The following PPM1G variants were observed in gnomAD, a reference collection of about 807,000 sequenced individuals.
PPM1G encodes protein phosphatase 1G.
A neutral mutation model predicts 59.4 loss-of-function variants in PPM1G; 12 were observed. The observed-to-expected ratio is 0.20, with a 90% CI of 0.13 to 0.33. The LOEUF is 0.33. Ranked by LOEUF, PPM1G falls within the 10% of genes least tolerant of loss-of-function variation. The pLI is 1.00. For missense variants in PPM1G, 392 were observed against 681.3 expected, an observed-to-expected ratio of 0.58 and a Z score of 4.73; for synonymous variants, 245 against 251.9, an observed-to-expected ratio of 0.97 and a Z score of 0.26.
At chr2:27,403,561 G>A (rs976080579) in intron 1 of PPM1G, among the ~76,000 whole-genome samples, 6 of 152,040 alleles carry the variant, frequency 3.9e-5, no homozygotes, top group Admixed American at 6.6e-5. Flanking sequence ...CAAATAATGC[G>A]TTTTTATAAA....
Position 27,385,115 on chromosome 2 carries a change from C to A in PPM1G, c.410-27G>T, listed in dbSNP as rs1284751168. On this transcript the variant is annotated intron_variant, in intron 4 of 9. Transcript: ENST00000344034. The surrounding 1 kb of genome is among the most constrained non-coding windows in gnomAD (Gnocchi z 4.1). ...TGCAGGGAAGAGGCTAAATCAGAGC[C>A]CCCATGCCAGACTCCTCATGGGATC... 1.9e-6 allele frequency: 3 copies of A among 1,548,938 alleles called. No homozygotes were observed. The highest frequency in any genetic ancestry group is 1.9e-5 in the Admixed American group (1 of 52,174).
At chr2:27,407,122 C>T (rs1285573425) in intron 1 of PPM1G, among the ~76,000 whole-genome samples, 1 of 152,050 alleles carries the variant, frequency 6.6e-6, no homozygotes, top group Non-Finnish European at 1.5e-5. Flanking sequence ...CGCACCACCA[C>T]ATTCAGCTAA....
rs1683715814 is a variant in PPM1G at position 27,384,554 on chromosome 2, A to C, written c.825+119T>G. Reference sequence around the variant, plus strand: ...AATTCAAGACTAAAGCTTAGAATACAGTGGGTCTTGGGGGATGATGTCAAA... The same window carrying C: ...AATTCAAGACTAAAGCTTAGAATACCGTGGGTCTTGGGGGATGATGTCAAA... On this transcript the variant is annotated intron_variant, in intron 5 of 9. Transcript: ENST00000344034. This position sits in a 1 kb window ranked among gnomAD's most constrained non-coding sequence, Gnocchi z 4.8. The C allele has an allele frequency of 2.4e-6, 3 of 1,228,892 alleles. No homozygotes were observed. In the South Asian group the frequency reaches 4.4e-5, roughly 18 times the overall value. The allele number at this position is 1,228,892 out of a possible 1,614,324, so 76.1% of individuals were successfully genotyped here. A position where few individuals can be genotyped will look rare whatever the true frequency, so the allele number is the denominator to read the frequency against.
rs138218977 is a variant in PPM1G at position 27,383,020 on chromosome 2, G to C, written c.1201+346C>G. Among the ~76,000 whole-genome samples the C allele has an allele frequency of 6.7e-6, 1 of 149,860 alleles. No individual in the cohort carries two copies. Among genetic ancestry groups the C allele is most frequent in the African/African-American group, 2.5e-5 (1 of 40,698 alleles). ...TTTGTATTTTTTTTTTTTTTTAGTA[G>C]AGATGGGGTTTCACCATGTTGGCCA... On this transcript the variant is annotated intron_variant, in intron 7 of 9. Coordinates refer to ENST00000344034, the MANE Select transcript of PPM1G (RefSeq NM_177983.3). The surrounding 1 kb of genome is among the most constrained non-coding windows in gnomAD (Gnocchi z 5.0).
chr2:27,392,486 G>A (rs1389369732), intron 1 of PPM1G, among the ~76,000 whole-genome samples: 1 of 151,438 alleles, frequency 6.6e-6, no homozygotes, highest in East Asian at 1.9e-4. Flanking sequence ...GTAGACACGG[G>A]GTTTCACCAT....
chr2:27,390,934 T>G (rs1194091453), intron 1 of PPM1G, among the ~76,000 whole-genome samples: 1 of 152,148 alleles, frequency 6.6e-6, no homozygotes, highest in Admixed American at 6.5e-5. Context: ...CACGCAGTAT[T>G]TGGTTTTCTG....
chr2:27,389,270 A>G (rs1439290913), intron 1 of PPM1G, among the ~76,000 whole-genome samples: 2 of 152,170 alleles, frequency 1.3e-5, no homozygotes, highest in Non-Finnish European at 2.9e-5. Context: ...ACATACACAT[A>G]TATGTATATT....
At position 27,384,140 on chromosome 2, in the gene PPM1G, C is replaced by T; in HGVS notation, c.826-48G>A. The T allele has an allele frequency of 6.2e-7, 1 of 1,612,422 alleles. No individual in the cohort carries two copies. On this transcript the variant is annotated intron_variant, in intron 5 of 9. Coordinates refer to ENST00000344034, the MANE Select transcript of PPM1G (RefSeq NM_177983.3). This position sits in a 1 kb window ranked among gnomAD's most constrained non-coding sequence, Gnocchi z 4.8. ...CTGCTGAGACTGGGATGATCCCCTC[C>T]CTCCCCACAGCTCATACTCAGAATC...
intron 1 of PPM1G, chr2:27,393,236 G>A (rs1000344477): frequency 1.7e-5 from 26 of 1,569,472 alleles, no homozygotes; most frequent in South Asian, 1.4e-4. Context: ...CCACATCATC[G>A]CTGTCAAAGT....
At chr2:27,392,557 A>G (rs1223236230) in intron 1 of PPM1G, among the ~76,000 whole-genome samples, 7 of 128,540 alleles carry the variant, frequency 5.4e-5, no homozygotes, top group Non-Finnish European at 9.4e-5. Flanking sequence ...AGCCTCCCAA[A>G]GTGCTGAGAT....
intron 1 of PPM1G, among the ~76,000 whole-genome samples, chr2:27,404,238 A>C (rs1308550032): frequency 6.6e-6 from 1 of 151,996 alleles, no homozygotes; most frequent in African/African-American, 2.4e-5. Context: ...ATAAAAGGAA[A>C]ATATGATTTA....
intron 1 of PPM1G, among the ~76,000 whole-genome samples, chr2:27,396,626 T>C (rs1684060215): frequency 1.3e-5 from 2 of 151,580 alleles, no homozygotes; most frequent in South Asian, 2.1e-4. Flanking sequence ...ACCAGCCTGG[T>C]CAACATGGAG....
Position 27,399,141 on chromosome 2 carries a change from G to A in PPM1G, c.120+10162C>T, listed in dbSNP as rs56070494. Among the ~76,000 whole-genome samples the A allele has an allele frequency of 5.9e-3, 581 of 98,202 alleles. 2 individuals are homozygous for A. The highest frequency in any genetic ancestry group is 0.028 in the African/African-American group (546 of 19,414). The allele number at this position is 98,202 out of a possible 152,430, so 64.4% of individuals were successfully genotyped here. A position where few individuals can be genotyped will look rare whatever the true frequency, so the allele number is the denominator to read the frequency against. On this transcript the variant is annotated intron_variant, in intron 1 of 9. Transcript: ENST00000344034. ...GGTGGTCAGAGCAAGACTGTCCCCC[G>A]ACCAAAACAACAACAACAACAACAA... is the stretch of plus-strand genomic sequence containing the variant.
chr2:27,401,704 T>C (rs1684183330), intron 1 of PPM1G, among the ~76,000 whole-genome samples: 1 of 152,156 alleles, frequency 6.6e-6, no homozygotes, highest in South Asian at 2.1e-4. Flanking sequence ...CGTGAGCCTG[T>C]AGTTCCAGCT....
At chr2:27,386,393 T>G (rs1683762870) in intron 2 of PPM1G, 114 bp from the exon 3 acceptor site, 4 of 740,754 alleles carry the variant, frequency 5.4e-6, no homozygotes, top group Non-Finnish European at 9.4e-6. Flanking sequence ...GATAAATATC[T>G]TAGCACCCCT....
At chr2:27,386,444 C>CA (rs1174781047) in intron 2 of PPM1G, 165 bp from the exon 3 acceptor site, 2 of 480,948 alleles carry the variant, frequency 4.2e-6, no homozygotes, top group Non-Finnish European at 7.5e-6. Flanking sequence ...AGTTCTGATC[C>CA]AAAAAAATGG....
At position 27,382,829 on chromosome 2, in the gene PPM1G, G is replaced by GTT. The variant is rs35551468; in HGVS notation, c.1202-226_1202-225dup. The stretch of plus-strand genomic sequence containing the variant: ...GGTCTTTTTATTTTAAGTCTTTTTT[G>GTT]TTTTTTTTTTTTTGAGACGGAGTTT... On this transcript the variant is annotated intron_variant, in intron 7 of 9. Coordinates refer to ENST00000344034, the MANE Select transcript of PPM1G (RefSeq NM_177983.3). The surrounding 1 kb of genome is among the most constrained non-coding windows in gnomAD (Gnocchi z 4.2). Among the ~76,000 whole-genome samples the GTT allele has an allele frequency of 0.022, 3,100 of 140,574 alleles. 96 individuals carry two copies. Among genetic ancestry groups the GTT allele is most frequent in the African/African-American group, 0.061 (2,310 of 37,962 alleles). The allele number at this position is 140,574 out of a possible 152,430, so 92.2% of individuals were successfully genotyped here.
At chr2:27,392,679 G>A (rs1572664383) in intron 1 of PPM1G, 1 of 711,402 alleles carries the variant, frequency 1.4e-6, no homozygotes, top group South Asian at 1.5e-5. Context: ...TTAAGTGGGT[G>A]TCTTGGAACA....
chr2:27,404,269 C>T (rs573214698), intron 1 of PPM1G, among the ~76,000 whole-genome samples: 3 of 152,144 alleles, frequency 2.0e-5, no homozygotes, highest in African/African-American at 2.4e-5. Flanking sequence ...AATTCCTGGC[C>T]GGGCACGGTA....
Sources: gnomAD v4.1 joint callset for allele counts (sites outside exome capture counted in the v4.1 genomes callset) on GRCh38, gnomAD v4.1.1 for gene constraint, Gnocchi (gnomAD v3.1) non-coding constraint, MANE v1.5 for transcripts, NCBI Gene and HGNC (gene_info 2026-07-23, HGNC 2026-07-21) for gene names.